Variants in SCARA3 observed in about 807,000 individuals in gnomAD.
The protein encoded by SCARA3 is scavenger receptor class A member 3.
SCARA3 carries 39 observed loss-of-function variants against 47.0 expected under a neutral mutation model. The ratio of observed to expected loss-of-function variants is 0.83; its 90% CI spans 0.64 to 1.08. The LOEUF (loss-of-function observed/expected upper bound fraction) is 1.08. Ranked by LOEUF, SCARA3 falls within the 50% of genes least tolerant of loss-of-function variation. The pLI, the probability that SCARA3 is intolerant of heterozygous loss-of-function variation, is 0.00. For missense variants in SCARA3, 724 were observed against 792.3 expected, an observed-to-expected ratio of 0.91 and a Z score of 1.04; for synonymous variants, 356 against 334.1, an observed-to-expected ratio of 1.07 and a Z score of -0.71.
the SCARA3 span, among the ~76,000 whole-genome samples, chr8:27,729,209 C>T: frequency 2.6e-5 from 4 of 152,076 alleles, no homozygotes; most frequent in East Asian, 1.9e-4. Flanking sequence ...TTCCTTTTTT[C>T]GGTCCTACCA....
At chr8:27,656,729 C>T in intron 3 of SCARA3, 53 bp from the exon 4 acceptor site, 1 of 1,090,404 alleles carries the variant, frequency 9.2e-7, no homozygotes, top group African/African-American at 1.5e-5. Context: ...GGAATGACTG[C>T]TGTTTCTCTG....
chr8:27,722,362 C>G, the SCARA3 span, among the ~76,000 whole-genome samples: 15 of 152,248 alleles, frequency 9.9e-5, no homozygotes, highest in East Asian at 2.9e-3. Flanking sequence ...CACAGGCAGC[C>G]TTGCCCACAG....
chr8:27,668,647 C>A (rs1270839844), intron 5 of SCARA3, among the ~76,000 whole-genome samples: 1 of 151,952 alleles, frequency 6.6e-6, no homozygotes, highest in Non-Finnish European at 1.5e-5. Flanking sequence ...ATCACTTGAG[C>A]CCAGGAGTTT....
At chr8:27,700,225 A>T in the SCARA3 span, among the ~76,000 whole-genome samples, 1 of 152,218 alleles carries the variant, frequency 6.6e-6, no homozygotes, top group East Asian at 1.9e-4. Context: ...AAAGAAAAAA[A>T]ATCCCAGAAT....
chr8:27,671,397 G>T lies in SCARA3; in HGVS notation c.*46G>T. ...CTGTCACACAGAATGCCGGAGGGGC[G>T]CAGAGCAGATCCAGGCCCCAGAAAG... On this transcript the variant is annotated 3_prime_UTR_variant, in exon 6 of 6. Transcript: ENST00000301904. 1 of 1,374,574 alleles carries T rather than the reference G, an allele frequency of 7.3e-7. No individual in the cohort carries two copies. The allele number at this position is 1,374,574 out of a possible 1,614,324, so 85.1% of individuals were successfully genotyped here.
chr8:27,668,651 G>C (rs894930296), intron 5 of SCARA3, among the ~76,000 whole-genome samples: 4 of 152,206 alleles, frequency 2.6e-5, no homozygotes, highest in Admixed American at 2.6e-4. Context: ...CTTGAGCCCA[G>C]GAGTTTGAGA....
At chr8:27,676,830 G>T (rs74521754), downstream of SCARA3, 29,282 of 381,792 alleles carry the variant, frequency 0.077, 1,367 homozygotes, top group East Asian at 0.21. Flanking sequence ...GGACACCACT[G>T]CTCAAACCCA....
At chr8:27,724,679 C>T in the SCARA3 span, among the ~76,000 whole-genome samples, 12 of 151,966 alleles carry the variant, frequency 7.9e-5, no homozygotes, top group African/African-American at 2.4e-4. Flanking sequence ...AAACAAAAAA[C>T]TGGTTAAGTG....
chr8:27,648,465 G>A (rs576429885), intron 1 of SCARA3, among the ~76,000 whole-genome samples: 8 of 152,226 alleles, frequency 5.3e-5, no homozygotes, highest in East Asian at 1.9e-4. Context: ...TTAGCCGGGC[G>A]TGGTGGCGGG....
chr8:27,720,691 C>T, the SCARA3 span, among the ~76,000 whole-genome samples: 1 of 150,158 alleles, frequency 6.7e-6, no homozygotes, highest in South Asian at 2.1e-4. Flanking sequence ...CATTCATCCA[C>T]CCATTCATCC....
the SCARA3 span, chr8:27,697,342 G>A: frequency 3.7e-4 from 73 of 199,934 alleles, no homozygotes; most frequent in African/African-American, 1.6e-3. Flanking sequence ...GGCGTCCCAC[G>A]CCTGCATTTC....
At chr8:27,642,690 G>A (rs1801407947) in intron 1 of SCARA3, among the ~76,000 whole-genome samples, 1 of 152,178 alleles carries the variant, frequency 6.6e-6, no homozygotes, top group African/African-American at 2.4e-5. Flanking sequence ...TGGGTGTGAT[G>A]GCACACACCT....
chr8:27,705,659 T>C, the SCARA3 span, among the ~76,000 whole-genome samples: 1 of 152,268 alleles, frequency 6.6e-6, no homozygotes, highest in Non-Finnish European at 1.5e-5. Flanking sequence ...GTGTGTACCA[T>C]GTGCCACGCA....
At chr8:27,650,010 T>C (rs930117650) in intron 2 of SCARA3, among the ~76,000 whole-genome samples, 3 of 152,192 alleles carry the variant, frequency 2.0e-5, no homozygotes, top group Non-Finnish European at 4.4e-5. Context: ...TTTTTTTTCT[T>C]AAAGACATGG....
Position 27,671,942 on chromosome 8 carries a change from C to T in SCARA3, c.*591C>T. On this transcript the variant is annotated 3_prime_UTR_variant, in exon 6 of 6. Transcript: ENST00000301904. ...ACTGAGCCTGCCAGGGAGGCAGCTA[C>T]CTCGGGAGGAAGGTCTCACATCTGT... The T allele has an allele frequency of 1.0e-6, 1 of 985,438 alleles. No individual in the cohort carries two copies. The highest frequency in any genetic ancestry group is 1.2e-6 in the Non-Finnish European group (1 of 829,944). 61.0% of individuals were successfully genotyped at this position (985,438 alleles called of 1,614,324 possible).
chr8:27,693,543 A>T, the SCARA3 span, among the ~76,000 whole-genome samples: 1 of 152,128 alleles, frequency 6.6e-6, no homozygotes, highest in Admixed American at 6.5e-5. Flanking sequence ...AATATATATA[A>T]AATTCTAAAG....
At chr8:27,695,314 A>G in the SCARA3 span, among the ~76,000 whole-genome samples, 1 of 152,234 alleles carries the variant, frequency 6.6e-6, no homozygotes, top group Admixed American at 6.5e-5. Context: ...TGGGTTTTTC[A>G]CAGATTTGCC....
At chr8:27,710,354 TAAC>T in the SCARA3 span, among the ~76,000 whole-genome samples, 4 of 151,502 alleles carry the variant, frequency 2.6e-5, no homozygotes, top group African/African-American at 7.3e-5. Context: ...GAATTGAAAA[TAAC>T]AACAATATTG....
At chr8:27,731,263 T>C in the SCARA3 span, among the ~76,000 whole-genome samples, 1 of 151,118 alleles carries the variant, frequency 6.6e-6, no homozygotes, top group Non-Finnish European at 1.5e-5. Context: ...CTAATTTTTA[T>C]ATTATTATTA....
Sources: gnomAD v4.1 joint callset for allele counts (sites outside exome capture counted in the v4.1 genomes callset) on GRCh38, gnomAD v4.1.1 for gene constraint, MANE v1.5 for transcripts, NCBI Gene and HGNC (gene_info 2026-07-23, HGNC 2026-07-21) for gene names.